RNF8: variants seen among roughly 807,000 people sequenced by gnomAD.
RNF8 encodes ring finger protein 8.
RNF8 carries 8 observed loss-of-function variants against 59.3 expected under a neutral mutation model. The observed-to-expected ratio is 0.13, with a 90% CI of 0.08 to 0.24. The LOEUF (loss-of-function observed/expected upper bound fraction) is 0.24, where lower values mean the gene tolerates loss of function less well. RNF8 is among the 10% of genes least tolerant of loss of function. The pLI is 1.00. For missense variants in RNF8, 406 were observed against 572.6 expected (o/e 0.71, Z 2.97); for synonymous variants, 162 against 200.0 (o/e 0.81, Z 1.60).
At chr6:37,367,767 TCTTATTCATTCCTCA>T (rs1355175666) in intron 2 of RNF8, among the ~76,000 whole-genome samples, 1 of 152,226 alleles carries the variant, frequency 6.6e-6, no homozygotes, top group Non-Finnish European at 1.5e-5. Context: ...ACATGCATTA[TCTTATTCATTCCTCA>T]CTGGAACAGT....
At chr6:37,363,759 A>G (rs1769422852) in intron 2 of RNF8, among the ~76,000 whole-genome samples, 1 of 152,240 alleles carries the variant, frequency 6.6e-6, no homozygotes, top group Non-Finnish European at 1.5e-5. Context: ...CTCCCCGGGA[A>G]ACAGCCCAAA....
chr6:37,381,465 G>A, intron 7 of RNF8, 111 bp downstream of exon 7: 1 of 890,740 alleles, frequency 1.1e-6, no homozygotes, highest in Non-Finnish European at 1.7e-6. Flanking sequence ...TTGAACTAGG[G>A]AAGAGATGGA....
At chr6:37,381,543 G>A (rs570303294) in intron 7 of RNF8, among the ~76,000 whole-genome samples, 189 bp downstream of exon 7, 3 of 152,214 alleles carry the variant, frequency 2.0e-5, no homozygotes, top group East Asian at 3.9e-4. Flanking sequence ...AGAATTAACC[G>A]CAACTGTTAC....
intron 7 of RNF8, 136 bp downstream of exon 7, chr6:37,381,490 G>A (rs1770260746): frequency 1.4e-6 from 1 of 733,760 alleles, no homozygotes; most frequent in Non-Finnish European, 2.2e-6. Flanking sequence ...ATGGGGAGGA[G>A]TAAAGGGAGT....
intron 2 of RNF8, among the ~76,000 whole-genome samples, chr6:37,362,693 G>A (rs899246382): frequency 6.6e-6 from 1 of 152,128 alleles, no homozygotes; most frequent in African/African-American, 2.4e-5. Context: ...CAGCTGTAGG[G>A]TATTATTGCT....
At chr6:37,354,641 T>C (rs1468084232) in intron 1 of RNF8, among the ~76,000 whole-genome samples, 1 of 142,304 alleles carries the variant, frequency 7.0e-6, no homozygotes, top group African/African-American at 2.6e-5. Flanking sequence ...CAGAGAGGCC[T>C]GGGTCAGCGG....
intron 6 of RNF8, among the ~76,000 whole-genome samples, chr6:37,377,652 A>G (rs1033240663): frequency 1.3e-5 from 2 of 152,218 alleles, no homozygotes; most frequent in Non-Finnish European, 2.9e-5. Context: ...AGGAGAAAAC[A>G]GGGCCAAATT....
At chr6:37,381,940 T>C (rs1770283027) in intron 7 of RNF8, among the ~76,000 whole-genome samples, 2 of 152,174 alleles carry the variant, frequency 1.3e-5, no homozygotes, top group South Asian at 2.1e-4. Flanking sequence ...GAAAGCTGGT[T>C]CTTTGGAACT....
In RNF8 at chr6:37,354,126, T is replaced by A. The variant is rs377459814; in HGVS notation, c.-39T>A. 515 of 1,527,148 alleles carry A rather than the reference T, an allele frequency of 3.4e-4. No homozygotes were observed. The highest frequency in any genetic ancestry group is 4.2e-4 in the Non-Finnish European group (471 of 1,124,608). The allele number at this position is 1,527,148 out of a possible 1,614,324, so 94.6% of individuals were successfully genotyped here. On this transcript the variant is annotated 5_prime_UTR_variant, in exon 1 of 8. Coordinates refer to ENST00000373479, the MANE Select transcript of RNF8 (RefSeq NM_003958.4). ...GAGGCAGCCAGAACCTAGGTCAGGG[T>A]CTCGCTCGGTGCTGACCGCCCCCGG... is the stretch of plus-strand genomic sequence containing the variant.
chr6:37,354,420 G>A (rs574336487), intron 1 of RNF8, 145 bp downstream of exon 1: 1 of 685,134 alleles, frequency 1.5e-6, no homozygotes, highest in Non-Finnish European at 2.4e-6. Flanking sequence ...CTGTGGGGGG[G>A]GTGGATTCCT....
At chr6:37,380,372 T>TA (rs1203102191) in intron 6 of RNF8, among the ~76,000 whole-genome samples, 1 of 151,948 alleles carries the variant, frequency 6.6e-6, no homozygotes, top group Non-Finnish European at 1.5e-5. Flanking sequence ...ACATAAAGCT[T>TA]AAAATTTCCC....
intron 7 of RNF8, among the ~76,000 whole-genome samples, chr6:37,383,061 GT>G (rs1411414079): frequency 1.3e-5 from 2 of 152,054 alleles, no homozygotes; most frequent in Non-Finnish European, 2.9e-5. Flanking sequence ...ATTCTGCAGA[GT>G]AATAACAGAT....
intron 2 of RNF8, 174 bp from the exon 3 acceptor site, chr6:37,368,310 C>A: frequency 6.6e-7 from 1 of 1,510,502 alleles, no homozygotes; most frequent in African/African-American, 1.4e-5. Context: ...AAAGCCAAAG[C>A]ACTGCTTGAC....
intron 7 of RNF8, among the ~76,000 whole-genome samples, chr6:37,387,620 G>A (rs1770565883): frequency 6.6e-6 from 1 of 152,188 alleles, no homozygotes; most frequent in African/African-American, 2.4e-5. Flanking sequence ...GGGGTTATAG[G>A]CATGCGCCAC....
At chr6:37,361,059 G>A (rs745791355) in intron 2 of RNF8, 22 of 352,906 alleles carry the variant, frequency 6.2e-5, no homozygotes, top group South Asian at 8.6e-5. Flanking sequence ...TTGGTGTTCC[G>A]AAGATTTCCT....
intron 1 of RNF8, among the ~76,000 whole-genome samples, chr6:37,356,895 T>C (rs1769139124): frequency 6.6e-6 from 1 of 152,200 alleles, no homozygotes; most frequent in African/African-American, 2.4e-5. Flanking sequence ...TGCACCACTA[T>C]GCCCAGTTAC....
At chr6:37,358,656 G>A (rs907932090) in intron 1 of RNF8, among the ~76,000 whole-genome samples, 2 of 152,168 alleles carry the variant, frequency 1.3e-5, no homozygotes, top group Non-Finnish European at 2.9e-5. Context: ...TCAGTGAGTC[G>A]TGGTGGTCTT....
At chr6:37,388,065 G>T (rs1158764500) in intron 7 of RNF8, among the ~76,000 whole-genome samples, 1 of 152,166 alleles carries the variant, frequency 6.6e-6, no homozygotes, top group Non-Finnish European at 1.5e-5. Flanking sequence ...TTTCTGGATA[G>T]GTTAGTCTGG....
intron 7 of RNF8, among the ~76,000 whole-genome samples, chr6:37,382,346 G>A (rs1770306580): frequency 6.6e-6 from 1 of 152,154 alleles, no homozygotes. Flanking sequence ...TAGGAGGTTA[G>A]CTTTCTAAGG....
Sources: allele counts gnomAD v4.1 joint callset (sites outside exome capture counted in the v4.1 genomes callset), GRCh38; gene constraint gnomAD v4.1.1; transcripts MANE v1.5; gene names NCBI Gene and HGNC (gene_info 2026-07-23, HGNC 2026-07-21).